Variants in GRIK4 observed in about 807,000 individuals in gnomAD.
GRIK4 encodes the protein glutamate receptor ionotropic, kainate 4.
A neutral mutation model predicts 104.9 loss-of-function variants in GRIK4; 40 were observed. The ratio of observed to expected loss-of-function variants is 0.38; its 90% confidence interval spans 0.30 to 0.50. The LOEUF (loss-of-function observed/expected upper bound fraction) is 0.50, where lower values mean the gene tolerates loss of function less well. Among genes scored for constraint, GRIK4 ranks in the 20% least tolerant of loss-of-function variants. The pLI is 0.93. For synonymous variants in GRIK4, 485 were observed against 524.9 expected, an observed-to-expected ratio of 0.92 and a Z score of 1.04; for missense variants, 1,047 against 1,308.1, an observed-to-expected ratio of 0.80 and a Z score of 3.08.
At chr11:120,971,666 A>G (rs1294962210) in intron 19 of GRIK4, among the ~76,000 whole-genome samples, 1 of 152,226 alleles carries the variant, frequency 6.6e-6, no homozygotes, top group African/African-American at 2.4e-5. Context: ...TGGTTGCAGT[A>G]TGGGAGAGTT....
intron 3 of GRIK4, among the ~76,000 whole-genome samples, chr11:120,753,340 T>TGTGCGC (rs1555055680): frequency 1.4e-5 from 2 of 147,606 alleles, no homozygotes; most frequent in African/African-American, 2.5e-5. Flanking sequence ...TGTGTGTGTG[T>TGTGCGC]GTGCAGGGTG....
intron 11 of GRIK4, among the ~76,000 whole-genome samples, chr11:120,890,388 G>T (rs964570225): frequency 9.9e-5 from 15 of 152,122 alleles, no homozygotes; most frequent in African/African-American, 3.1e-4. Flanking sequence ...ACCACTCTGG[G>T]CCCTGGCCAG....
intron 3 of GRIK4, among the ~76,000 whole-genome samples, chr11:120,664,915 T>C (rs1314741034): frequency 6.6e-6 from 1 of 152,184 alleles, no homozygotes; most frequent in Non-Finnish European, 1.5e-5. Context: ...AGCAATTGAA[T>C]CTCTCTTGTT....
rs117519478 is a variant in GRIK4 at position 120,740,498 on chromosome 11, A to T, written c.83-62195A>T. 5.8e-3 allele frequency among the ~76,000 whole-genome samples: 884 copies of T among 152,026 alleles called. 9 individuals are homozygous for T. Among genetic ancestry groups the T allele is most frequent in the Non-Finnish European group, 7.5e-3 (511 of 67,948 alleles). ...GTCCCGTGGCCCTGTCCCAGCTGGG[A>T]CTCTGAGCATCATGCCTCATCATGC... On this transcript the variant is annotated intron_variant, in intron 3 of 20. Transcript: ENST00000527524.
Position 120,612,250 on chromosome 11 carries a change from G to C in GRIK4, c.-158-41435G>C, listed in dbSNP as rs1160732234. 2.0e-5 allele frequency among the ~76,000 whole-genome samples: 3 copies of C among 152,178 alleles called. No individual in the cohort carries two copies. In the East Asian group the frequency reaches 5.8e-4, roughly 29 times the overall value. On this transcript the variant is annotated intron_variant, in intron 1 of 20. Transcript: ENST00000527524. ...TCCATCTATAGTAGACTTTACCATT[G>C]GTAGAGTTTAAATGGCACTTTGTTG... is the stretch of plus-strand genomic sequence containing the variant.
chr11:120,684,500 C>T (rs182939197), intron 3 of GRIK4, among the ~76,000 whole-genome samples: 1 of 152,138 alleles, frequency 6.6e-6, no homozygotes, highest in African/African-American at 2.4e-5. Context: ...GGAGACAATA[C>T]GAACACACAT....
At chr11:120,556,462 T>A (rs1225741255) in intron 1 of GRIK4, among the ~76,000 whole-genome samples, 2 of 152,154 alleles carry the variant, frequency 1.3e-5, no homozygotes, top group African/African-American at 4.8e-5. Flanking sequence ...TAACTCCACA[T>A]GCATCCGGGA....
chr11:120,558,691 C>A (rs1343842998), intron 1 of GRIK4, among the ~76,000 whole-genome samples: 1 of 152,230 alleles, frequency 6.6e-6, no homozygotes, highest in African/African-American at 2.4e-5. Context: ...GGCATTTATA[C>A]ACAACATAAA....
intron 3 of GRIK4, among the ~76,000 whole-genome samples, chr11:120,666,197 C>T (rs549763271): frequency 6.6e-6 from 1 of 152,180 alleles, no homozygotes; most frequent in African/African-American, 2.4e-5. Flanking sequence ...TCACTTTCCC[C>T]GGTGACCTGC....
At chr11:120,556,160 G>A (rs1183472859) in intron 1 of GRIK4, among the ~76,000 whole-genome samples, 1 of 152,140 alleles carries the variant, frequency 6.6e-6, no homozygotes, top group African/African-American at 2.4e-5. Context: ...AAGCCTGGGG[G>A]AGGGAAGGAT....
chr11:120,547,851 A>T (rs1226658750), intron 1 of GRIK4, among the ~76,000 whole-genome samples: 3 of 152,198 alleles, frequency 2.0e-5, no homozygotes, highest in Non-Finnish European at 4.4e-5. Flanking sequence ...TGCTCAGTGG[A>T]AAGAGCCCTG....
chr11:120,894,052 C>T (rs1942497007), intron 11 of GRIK4, among the ~76,000 whole-genome samples: 1 of 152,214 alleles, frequency 6.6e-6, no homozygotes, highest in African/African-American at 2.4e-5. Context: ...AATGCTGATA[C>T]TGTTGGTCTG....
At chr11:120,630,483 G>C (rs1949320081) in intron 1 of GRIK4, among the ~76,000 whole-genome samples, 1 of 152,190 alleles carries the variant, frequency 6.6e-6, no homozygotes, top group South Asian at 2.1e-4. Context: ...ATGGTTCTTA[G>C]CAGCAGCCAT....
chr11:120,693,850 C>T (rs1950402630), intron 3 of GRIK4, among the ~76,000 whole-genome samples: 1 of 152,106 alleles, frequency 6.6e-6, no homozygotes, highest in Non-Finnish European at 1.5e-5. Context: ...CATCTTCAGC[C>T]CCTGAGTTAA....
chr11:120,574,363 A>C (rs894064979), intron 1 of GRIK4, among the ~76,000 whole-genome samples: 9 of 152,208 alleles, frequency 5.9e-5, no homozygotes, highest in African/African-American at 2.2e-4. Flanking sequence ...ATAGCAAACA[A>C]GTCACAGTAC....
intron 1 of GRIK4, among the ~76,000 whole-genome samples, chr11:120,538,761 TG>T (rs377745764): frequency 7.2e-5 from 11 of 152,336 alleles, no homozygotes; most frequent in Non-Finnish European, 1.2e-4. Flanking sequence ...GCTGGGTTTC[TG>T]CATTGGCAAA....
intron 3 of GRIK4, among the ~76,000 whole-genome samples, chr11:120,754,040 C>CT (rs951040402): frequency 4.6e-5 from 7 of 151,984 alleles, no homozygotes; most frequent in East Asian, 1.9e-4. Context: ...GGACATTTCT[C>CT]TTTTTTTTGG....
chr11:120,908,899 A>C (rs1240970204), intron 13 of GRIK4, among the ~76,000 whole-genome samples: 1 of 152,256 alleles, frequency 6.6e-6, no homozygotes, highest in Non-Finnish European at 1.5e-5. Context: ...GGTGCAAAGC[A>C]TAAAATGTGG....
chr11:120,684,107 T>G (rs1470694669), intron 3 of GRIK4, among the ~76,000 whole-genome samples: 1 of 152,144 alleles, frequency 6.6e-6, no homozygotes, highest in East Asian at 1.9e-4. Context: ...GGAGGATTGC[T>G]TGAGGCCAGG....
Sources: gnomAD v4.1 joint callset for allele counts (sites outside exome capture counted in the v4.1 genomes callset) on GRCh38, gnomAD v4.1.1 for gene constraint, MANE v1.5 for transcripts, NCBI Gene and HGNC (gene_info 2026-07-23, HGNC 2026-07-21) for gene names.